Variants in TANC2 observed in about 807,000 individuals in gnomAD.
TANC2 encodes tetratricopeptide repeat, ankyrin repeat and coiled-coil containing 2.
In TANC2, 26 loss-of-function variants were observed where a neutral mutation model predicts 210.5. That is an observed-to-expected ratio of 0.12 (90% CI 0.09 to 0.17). TANC2 has a LOEUF of 0.17. Among genes scored for constraint, TANC2 ranks in the 10% least tolerant of loss-of-function variants. The probability of loss-of-function intolerance (pLI) is 1.00; values close to 1 mark genes in which losing one functional copy is unlikely to be tolerated. For synonymous variants in TANC2, 931 were observed against 967.1 expected (o/e 0.96, Z 0.69); for missense variants, 2,129 against 2,608.9 (o/e 0.82, Z 4.01).
chr17:62,985,577 C>T (rs995981477), intron 1 of TANC2, among the ~76,000 whole-genome samples: 3 of 151,766 alleles, frequency 2.0e-5, no homozygotes, highest in African/African-American at 2.4e-5. Context: ...TATTTATTGT[C>T]TTCTGTGTTA....
intron 1 of TANC2, among the ~76,000 whole-genome samples, chr17:62,989,154 T>C (rs1224789127): frequency 6.6e-6 from 1 of 152,234 alleles, no homozygotes; most frequent in Non-Finnish European, 1.5e-5. Flanking sequence ...ATTAACGGAC[T>C]GATGCTTCTT....
intron 7 of TANC2, 63 bp from the exon 8 acceptor site, chr17:63,237,751 G>A: frequency 7.0e-7 from 1 of 1,438,588 alleles, no homozygotes; most frequent in Non-Finnish European, 9.2e-7. Context: ...TATCAACTTT[G>A]TCAAAGATTA....
Position 63,415,008 on chromosome 17 carries a change from C to T in TANC2, c.4021-520C>T, listed in dbSNP as rs78393593. On this transcript the variant is annotated intron_variant, in intron 25 of 27. Coordinates refer to ENST00000689528, the Ensembl canonical transcript of TANC2. ...AACACTGATTGGTATTATTTTATGC[C>T]ATGAGATTAGGGAAGCAACTGCTAG... 1.3e-4 allele frequency among the ~76,000 whole-genome samples: 20 copies of T among 152,286 alleles called. No homozygotes were observed. In the East Asian group the frequency reaches 1.9e-3, roughly 15 times the overall value.
chr17:63,202,196 T>C lies in TANC2; in HGVS notation c.769+1239T>C, dbSNP rs532879849. Reference sequence around the variant, plus strand: ...TGTCATTTACAAAATGCTAAAAAAATTGCATTTCCTTTAATAATGGAGTTA... The same window carrying C: ...TGTCATTTACAAAATGCTAAAAAAACTGCATTTCCTTTAATAATGGAGTTA... On this transcript the variant is annotated intron_variant, in intron 7 of 27. Transcript: ENST00000689528. 3.9e-5 allele frequency among the ~76,000 whole-genome samples: 6 copies of C among 152,214 alleles called. No homozygotes were observed. The South Asian group carries it at 1.2e-3, about 32-fold the overall frequency.
chr17:63,418,440 G>C lies in TANC2; in HGVS notation c.4268+33G>C. The C allele has an allele frequency of 6.3e-7, 1 of 1,587,968 alleles. No individual in the cohort carries two copies. The highest frequency in any genetic ancestry group is 8.6e-7 in the Non-Finnish European group (1 of 1,166,086). On this transcript the variant is annotated intron_variant, in intron 27 of 27. Transcript: ENST00000689528. The surrounding 1 kb of genome is among the most constrained non-coding windows in gnomAD (Gnocchi z 4.6). ...GAGAGAGAGAGGGTGAAAGCAAGAG[G>C]TCTCTTTTCTGAAAATTTGGCCAAG... is the stretch of plus-strand genomic sequence containing the variant.
intron 19 of TANC2, 147 bp downstream of exon 19, chr17:63,399,061 T>A: frequency 2.0e-6 from 1 of 498,866 alleles, no homozygotes; most frequent in Non-Finnish European, 3.6e-6. Flanking sequence ...AACTAAACAG[T>A]CAAGCAGTTT....
intron 14 of TANC2, among the ~76,000 whole-genome samples, chr17:63,370,891 T>C (rs541455483): frequency 6.6e-6 from 1 of 152,136 alleles, no homozygotes; most frequent in South Asian, 2.1e-4. Flanking sequence ...ATAACCCCAC[T>C]TGAATGCGAG....
At chr17:62,999,645 C>G (rs2033279501) in intron 1 of TANC2, among the ~76,000 whole-genome samples, 1 of 151,008 alleles carries the variant, frequency 6.6e-6, no homozygotes, top group South Asian at 2.1e-4. Flanking sequence ...TTTAGCTAAT[C>G]AACTATTATT....
chr17:63,150,703 G>A (rs955162575), intron 4 of TANC2: 5 of 152,144 alleles, frequency 3.3e-5, no homozygotes, highest in African/African-American at 7.2e-5. Context: ...GTTAAGCTAC[G>A]TAGATTAGGC....
intron 14 of TANC2, among the ~76,000 whole-genome samples, chr17:63,361,616 C>T (rs760923671): frequency 5.3e-5 from 8 of 152,262 alleles, no homozygotes; most frequent in African/African-American, 9.6e-5. Context: ...GAGGGTGTCA[C>T]AGCCATAGCT....
chr17:63,426,029 G>T (rs902142164), exon 28 of TANC2: 1 of 152,254 alleles, frequency 6.6e-6, no homozygotes, highest in Non-Finnish European at 1.5e-5. Context: ...GCTATCCCAG[G>T]GGGCAAGAGG....
intron 2 of TANC2, among the ~76,000 whole-genome samples, chr17:63,067,401 CT>C (rs1307867758): frequency 6.6e-6 from 1 of 152,060 alleles, no homozygotes; most frequent in African/African-American, 2.4e-5. Flanking sequence ...TGATGCCTCT[CT>C]TCTGAAGTGT....
chr17:63,332,406 TCA>T, intron 11 of TANC2: 1 of 321,616 alleles, frequency 3.1e-6, no homozygotes. Context: ...AGGCATATAT[TCA>T]CAGTACCCTG....
At chr17:63,071,479 C>T (rs1041266232) in intron 2 of TANC2, among the ~76,000 whole-genome samples, 2 of 151,936 alleles carry the variant, frequency 1.3e-5, no homozygotes, top group Admixed American at 6.6e-5. Flanking sequence ...AAATAGTGGT[C>T]TTCATTAGAA....
At chr17:63,380,974 A>T (rs2047589763) in intron 15 of TANC2, among the ~76,000 whole-genome samples, 1 of 152,224 alleles carries the variant, frequency 6.6e-6, no homozygotes, top group Non-Finnish European at 1.5e-5. Context: ...TTTCAAGCAG[A>T]CTAAAAAGTA....
At chr17:62,991,508 G>A (rs241075) in intron 1 of TANC2, among the ~76,000 whole-genome samples, 8,877 of 151,736 alleles carry the variant, frequency 0.059, 390 homozygotes, top group African/African-American at 0.12. Flanking sequence ...GTGTGGTGGC[G>A]GGGGCCCGTA....
rs114707187 is a variant in TANC2, at chr17:63,161,387, A to G, written c.433+10007A>G. Among the ~76,000 whole-genome samples the G allele has an allele frequency of 8.3e-3, 1,259 of 152,140 alleles. 14 individuals carry two copies. Among genetic ancestry groups the G allele is most frequent in the African/African-American group, 0.028 (1,149 of 41,520 alleles). The stretch of plus-strand genomic sequence containing the variant: ...AAATAAAATAAAATAGGTAGATTCC[A>G]TATACTCTGAACAGCTTTGTGTTTT... On this transcript the variant is annotated intron_variant, in intron 5 of 27. Transcript: ENST00000689528.
At chr17:62,986,063 G>A (rs543336003) in intron 1 of TANC2, among the ~76,000 whole-genome samples, 1 of 152,342 alleles carries the variant, frequency 6.6e-6, no homozygotes, top group South Asian at 2.1e-4. Context: ...GGTGGGGCAT[G>A]TTGGCTCTAT....
At chr17:63,080,636 A>G (rs1389113013) in intron 3 of TANC2, among the ~76,000 whole-genome samples, 2 of 152,230 alleles carry the variant, frequency 1.3e-5, no homozygotes, top group African/African-American at 2.4e-5. Flanking sequence ...TTCCTTGCAA[A>G]TATGTAAAAT....
Sources: gnomAD v4.1 joint callset for allele counts (sites outside exome capture counted in the v4.1 genomes callset) on GRCh38, gnomAD v4.1.1 for gene constraint, Gnocchi (gnomAD v3.1) non-coding constraint, MANE v1.5 for transcripts, NCBI Gene and HGNC (gene_info 2026-07-23, HGNC 2026-07-21) for gene names.